The following BAHD1 variants were observed in gnomAD, a reference collection of about 807,000 sequenced individuals.
BAHD1 encodes the protein bromo adjacent homology domain containing 1.
Under a neutral mutation model 63.1 loss-of-function variants are expected in BAHD1, and 20 were observed. That is an observed-to-expected ratio of 0.32 (90% CI 0.22 to 0.46). BAHD1 has a LOEUF of 0.46. BAHD1 is among the 20% of genes least tolerant of loss of function. BAHD1 has a pLI of 1.00. For missense variants in BAHD1, 939 were observed against 1,071.8 expected, an observed-to-expected ratio of 0.88 and a Z score of 1.73; for synonymous variants, 408 against 426.8, an observed-to-expected ratio of 0.96 and a Z score of 0.54.
chr15:40,451,145 CAAAAAAAAAAAAA>C (rs397827665), intron 1 of BAHD1, among the ~76,000 whole-genome samples: 13 of 30,626 alleles, frequency 4.2e-4, no homozygotes, highest in Non-Finnish European at 9.3e-4. Context: ...AACTCCATCT[CAAAAAAAAAAAAA>C]AAAAAAAAAA....
chr15:40,461,902 C>T lies in BAHD1; in HGVS notation c.1433-10C>T, dbSNP rs879104897. On this transcript the variant is annotated splice_polypyrimidine_tract_variant and intron_variant, in intron 2 of 6. Transcript: ENST00000416165. ...CTTGTCCTGTCCTGACCACTCTCTC[C>T]CTTTCCTAGAAGGCTGCAGATCCCT... 2 of 1,581,316 alleles carry T rather than the reference C, an allele frequency of 1.3e-6. No homozygotes were observed. The highest frequency in any genetic ancestry group is 1.7e-6 in the Non-Finnish European group (2 of 1,159,628).
intron 2 of BAHD1, among the ~76,000 whole-genome samples, chr15:40,460,727 C>T (rs769507125): frequency 7.9e-5 from 12 of 152,182 alleles, no homozygotes; most frequent in Non-Finnish European, 1.5e-4. Context: ...GCCAGCAGGT[C>T]TGCCCTGCTG....
rs1030692425 is a variant in BAHD1, at chr15:40,442,395, C to T, written c.-15+1127C>T. Among the ~76,000 whole-genome samples the T allele has an allele frequency of 2.0e-5, 3 of 151,540 alleles. No homozygotes were observed. In the East Asian group the frequency reaches 5.8e-4, roughly 30 times the overall value. On this transcript the variant is annotated intron_variant, in intron 1 of 6. Coordinates refer to ENST00000416165, the MANE Select transcript of BAHD1 (RefSeq NM_014952.5). ...TCGAGGCTCTGGGAAGTGGGGTCTACTTGCCGGGGGCCGAGGGGCCGGGGT... is the reference window on the plus strand; with the variant it reads ...TCGAGGCTCTGGGAAGTGGGGTCTATTTGCCGGGGGCCGAGGGGCCGGGGT...
upstream of BAHD1, among the ~76,000 whole-genome samples, chr15:40,440,502 G>A (rs1403868726): frequency 2.0e-5 from 3 of 151,306 alleles, no homozygotes; most frequent in South Asian, 2.1e-4. Flanking sequence ...TCTCCAGCGC[G>A]TGCTGGGGAG....
intron 1 of BAHD1, among the ~76,000 whole-genome samples, chr15:40,446,781 C>T (rs1893551890): frequency 6.6e-6 from 1 of 152,112 alleles, no homozygotes; most frequent in Non-Finnish European, 1.5e-5. Flanking sequence ...GCTTTGACCT[C>T]CTGTCTTTGG....
intron 1 of BAHD1, among the ~76,000 whole-genome samples, chr15:40,447,529 G>A (rs1893571912): frequency 6.6e-6 from 1 of 151,472 alleles, no homozygotes; most frequent in African/African-American, 2.4e-5. Context: ...GTGCACTCCA[G>A]TCTGGGCGAC....
chr15:40,455,969 T>A (rs751057584), intron 1 of BAHD1, among the ~76,000 whole-genome samples: 7 of 150,954 alleles, frequency 4.6e-5, no homozygotes, highest in Non-Finnish European at 8.8e-5. Context: ...TGGGATGATG[T>A]TGTTGTTGTT....
chr15:40,447,619 A>G (rs1893580156), intron 1 of BAHD1, among the ~76,000 whole-genome samples: 1 of 151,648 alleles, frequency 6.6e-6, no homozygotes, highest in Admixed American at 6.6e-5. Flanking sequence ...AATAAAAATA[A>G]AAATGATTGA....
At chr15:40,448,691 C>G (rs947533688) in intron 1 of BAHD1, among the ~76,000 whole-genome samples, 9 of 152,180 alleles carry the variant, frequency 5.9e-5, no homozygotes, top group African/African-American at 1.9e-4. Flanking sequence ...CACACACCAC[C>G]ATGCCCGACT....
At position 40,459,331 on chromosome 15, in the gene BAHD1, T is replaced by G; in HGVS notation, c.867T>G (p.Cys289Trp). 6.2e-7 allele frequency: 1 copy of G among 1,613,084 alleles called. No homozygotes were observed. Among genetic ancestry groups the G allele is most frequent in the Non-Finnish European group, 8.5e-7 (1 of 1,179,986 alleles). ...AACCATGGCCATCTGCAACTCCTTGTGGGCCATCCGTCCAGCCATCTCATC... is the reference window on the plus strand; with the variant it reads ...AACCATGGCCATCTGCAACTCCTTGGGGGCCATCCGTCCAGCCATCTCATC... The part of the protein sequence containing the change: ...PDEPWPSATP[C>W]GPSVQPSHQP... Residue 289 changes from cysteine (C) to tryptophan (W), a missense_variant, in exon 2 of 7, where the codon TGT becomes TGG. Cys to Trp is a radical substitution (Grantham distance 215). Around this residue, in one of 5 missense-constraint regions of BAHD1, gnomAD observed 797 missense variants for 813.3 expected, o/e 0.98. Transcript: ENST00000416165.
rs1258004661 is a variant in BAHD1 at position 40,441,139 on chromosome 15, A to G, written c.-144A>G. On this transcript the variant is annotated 5_prime_UTR_variant, in exon 1 of 7. Transcript: ENST00000416165. ...CTCCGCCCGCCCGGCCCCGGCCCCC[A>G]GGAGGAGGCGCTGACGCAGCAGCGT... The G allele has an allele frequency of 6.9e-6, 1 of 145,634 alleles. No individual in the cohort carries two copies. The highest frequency in any genetic ancestry group is 2.5e-5 in the African/African-American group (1 of 39,640). The allele number at this position is 145,634 out of a possible 1,614,324, so 9.0% of individuals were successfully genotyped here.
intron 1 of BAHD1, among the ~76,000 whole-genome samples, chr15:40,452,302 G>T (rs1893729932): frequency 6.6e-6 from 1 of 152,212 alleles, no homozygotes; most frequent in African/African-American, 2.4e-5. Flanking sequence ...TGAGGACAGT[G>T]CTCCTTGCAA....
Position 40,458,728 on chromosome 15 carries a change from G to C in BAHD1, c.264G>C (p.Glu88Asp), listed in dbSNP as rs1460883584. The C allele has an allele frequency of 6.2e-7, 1 of 1,613,488 alleles. No homozygotes were observed. The highest frequency in any genetic ancestry group is 1.3e-5 in the African/African-American group (1 of 74,946). The change falls in exon 2 of 7, where the codon GAG (glutamate) becomes GAC (aspartate). Residue 88 changes from glutamate to aspartate, a missense_variant. Around this residue, in one of 5 missense-constraint regions of BAHD1, gnomAD observed 797 missense variants for 813.3 expected, o/e 0.98. Coordinates refer to ENST00000416165, the MANE Select transcript of BAHD1 (RefSeq NM_014952.5). This position sits in a 1 kb window ranked among gnomAD's most constrained non-coding sequence, Gnocchi z 4.7. The stretch of plus-strand genomic sequence containing the variant: ...TGGCCGGTCCCCGGAGTGCAGATGA[G>C]GCTGATGAGCTACCGCCTGACCTGC... The part of the protein sequence containing the change: ...ENVAGPRSAD[E>D]ADELPPDLPK...
chr15:40,441,000 C>T lies in BAHD1; in HGVS notation c.-283C>T, dbSNP rs1292979597. Among the ~76,000 whole-genome samples, 10 of 149,546 alleles carry T rather than the reference C, an allele frequency of 6.7e-5. No individual in the cohort carries two copies. The highest frequency in any genetic ancestry group is 1.5e-4 in the Non-Finnish European group (10 of 67,002). On this transcript the variant is annotated 5_prime_UTR_variant, in exon 1 of 7. Transcript: ENST00000416165. ...CGGCGTAGCGGATCCCGGAGCCCGG[C>T]CCCCGCCGCCCGCCCGTCCGGCTGC...
chr15:40,461,103 A>G (rs1242757689), intron 2 of BAHD1, among the ~76,000 whole-genome samples: 1 of 152,144 alleles, frequency 6.6e-6, no homozygotes, highest in African/African-American at 2.4e-5. Flanking sequence ...TTTCCTAGCC[A>G]TGTGACTATG....
chr15:40,438,381 T>C (rs1234908989), upstream of BAHD1, among the ~76,000 whole-genome samples: 2 of 152,146 alleles, frequency 1.3e-5, no homozygotes, highest in Non-Finnish European at 2.9e-5. Context: ...CTGGCTTGTT[T>C]TAACAAGCAA....
intron 3 of BAHD1, among the ~76,000 whole-genome samples, chr15:40,463,313 A>G (rs1322372142): frequency 6.6e-6 from 1 of 152,218 alleles, no homozygotes; most frequent in Non-Finnish European, 1.5e-5. Context: ...TCTAAAAATA[A>G]ATAAATACAT....
At chr15:40,456,140 A>ATT (rs916956220) in intron 1 of BAHD1, among the ~76,000 whole-genome samples, 1 of 148,366 alleles carries the variant, frequency 6.7e-6, no homozygotes, top group African/African-American at 2.5e-5. Context: ...GCCTGGCTAA[A>ATT]TTTTTTTTTT....
intron 1 of BAHD1, among the ~76,000 whole-genome samples, 157 bp downstream of exon 1, chr15:40,441,425 C>G (rs1336387493): frequency 6.6e-6 from 1 of 150,376 alleles, no homozygotes; most frequent in African/African-American, 2.4e-5. Flanking sequence ...CGGGAAGGGA[C>G]GGACGGACGG....
Sources: allele counts gnomAD v4.1 joint callset (sites outside exome capture counted in the v4.1 genomes callset), GRCh38; gene constraint gnomAD v4.1.1; regional missense constraint gnomAD v4.1.1; non-coding constraint Gnocchi (gnomAD v3.1); transcripts MANE v1.5; gene names NCBI Gene and HGNC (gene_info 2026-07-23, HGNC 2026-07-21).